Variants in LRRIQ1 observed in about 807,000 individuals in gnomAD.
The protein encoded by LRRIQ1 is leucine-rich repeat- and IQ domain-containing protein 1.
LRRIQ1 carries 210 observed loss-of-function variants against 211.9 expected under a neutral mutation model. That is an observed-to-expected ratio of 0.99 (90% CI 0.89 to 1.11). The LOEUF (loss-of-function observed/expected upper bound fraction) is 1.11, where lower values mean the gene tolerates loss of function less well. LRRIQ1 is among the 50% of genes most tolerant of loss of function. The pLI, the probability that LRRIQ1 is intolerant of heterozygous loss-of-function variation, is 0.00. For synonymous variants in LRRIQ1, 699 were observed against 650.1 expected (o/e 1.08, Z -1.14); for missense variants, 2,136 against 1,939.5 (o/e 1.10, Z -1.90).
chr12:85,070,495 A>G (rs1308122160), intron 10 of LRRIQ1, among the ~76,000 whole-genome samples: 1 of 151,940 alleles, frequency 6.6e-6, no homozygotes, highest in African/African-American at 2.4e-5. Context: ...ACAGGGCTAA[A>G]TGCTTACTAT....
intron 24 of LRRIQ1, among the ~76,000 whole-genome samples, chr12:85,208,546 A>G (rs1262022290): frequency 1.3e-5 from 2 of 152,218 alleles, no homozygotes; most frequent in African/African-American, 2.4e-5. Context: ...TAGTGGATTC[A>G]TCAGATACAG....
intron 7 of LRRIQ1, 46 bp from the exon 8 acceptor site, chr12:85,055,500 CT>C (rs1400125713): frequency 1.5e-6 from 2 of 1,320,684 alleles, no homozygotes; most frequent in African/African-American, 3.0e-5. Context: ...TTAGTAACAT[CT>C]CATGTTTAGT....
chr12:85,245,389 G>T (rs1363030796), downstream of LRRIQ1, among the ~76,000 whole-genome samples: 1 of 150,766 alleles, frequency 6.6e-6, no homozygotes, highest in Non-Finnish European at 1.5e-5. Flanking sequence ...TATTTCCATT[G>T]CATATGTAAG....
intron 19 of LRRIQ1, among the ~76,000 whole-genome samples, chr12:85,152,012 C>T (rs1293855956): frequency 6.6e-6 from 1 of 151,638 alleles, no homozygotes; most frequent in African/African-American, 2.4e-5. Context: ...CAGTTAAATA[C>T]ACTGAAGAGT....
At chr12:85,177,480 C>T (rs1213562070) in intron 24 of LRRIQ1, among the ~76,000 whole-genome samples, 1 of 152,018 alleles carries the variant, frequency 6.6e-6, no homozygotes, top group Non-Finnish European at 1.5e-5. Context: ...AGTAACTAGG[C>T]AAGCGGGGGA....
chr12:85,149,896 A>G (rs1293926513), intron 19 of LRRIQ1, among the ~76,000 whole-genome samples: 1 of 151,800 alleles, frequency 6.6e-6, no homozygotes, highest in Non-Finnish European at 1.5e-5. Flanking sequence ...AGGTATTTTC[A>G]AAGTTTTCTG....
downstream of LRRIQ1, among the ~76,000 whole-genome samples, chr12:85,245,888 TAGAG>T (rs1370810469): frequency 6.6e-6 from 1 of 150,594 alleles, no homozygotes. Flanking sequence ...CATATATATA[TAGAG>T]AGAGAGACTC....
chr12:85,062,013 T>A (rs751769283), intron 8 of LRRIQ1, among the ~76,000 whole-genome samples: 8 of 151,840 alleles, frequency 5.3e-5, no homozygotes, highest in Non-Finnish European at 1.0e-4. Context: ...CTTACATAAA[T>A]ATGTAAATTT....
intron 18 of LRRIQ1, among the ~76,000 whole-genome samples, chr12:85,134,066 T>G (rs911664156): frequency 6.6e-6 from 1 of 152,104 alleles, no homozygotes; most frequent in Non-Finnish European, 1.5e-5. Context: ...GCTTCTGATT[T>G]GATTAGTGCA....
At chr12:85,087,729 G>A (rs1166718868) in intron 11 of LRRIQ1, among the ~76,000 whole-genome samples, 1 of 152,046 alleles carries the variant, frequency 6.6e-6, no homozygotes, top group East Asian at 1.9e-4. Context: ...TCTGTTGGCT[G>A]CATAAATGTC....
chr12:85,075,308 A>G (rs1011714662), intron 11 of LRRIQ1, among the ~76,000 whole-genome samples: 9 of 151,970 alleles, frequency 5.9e-5, no homozygotes, highest in Non-Finnish European at 2.9e-5. Flanking sequence ...AGCTAGGTGT[A>G]TTAGGCCATT....
In LRRIQ1 at chr12:85,052,249, G is replaced by A; in HGVS notation, c.751G>A (p.Glu251Lys). Reference protein sequence around the residue: ...KIWKEKFKQHEEYIRNLHLQM... With the variant: ...KIWKEKFKQHKEYIRNLHLQM... ...TTGGAAAGAGAAATTTAAACAGCAT[G>A]AGGTATCTATTTGTTGTTTTTATTT... Residue 251 changes from glutamate (E) to lysine (K), a missense_variant and splice_region_variant, in exon 7 of 27, where the codon GAG (glutamate) becomes AAG (lysine). Glu to Lys is a moderately conservative substitution (Grantham distance 56). Coordinates refer to ENST00000393217, the MANE Select transcript of LRRIQ1 (RefSeq NM_001079910.2). 1 of 1,463,464 alleles carries A rather than the reference G, an allele frequency of 6.8e-7. No homozygotes were observed. Among genetic ancestry groups the A allele is most frequent in the Non-Finnish European group, 9.4e-7 (1 of 1,060,434 alleles). 90.7% of individuals were successfully genotyped at this position (1,463,464 alleles called of 1,614,324 possible). A position where few individuals can be genotyped will look rare whatever the true frequency, so the allele number is the denominator to read the frequency against.
chr12:85,044,090 T>C (rs1034600995), intron 3 of LRRIQ1, among the ~76,000 whole-genome samples: 2 of 152,034 alleles, frequency 1.3e-5, no homozygotes, highest in African/African-American at 4.8e-5. Flanking sequence ...AGAAAATCTA[T>C]AATATCTGAC....
At chr12:85,230,856 T>C (rs1236477397) in intron 25 of LRRIQ1, among the ~76,000 whole-genome samples, 1 of 151,316 alleles carries the variant, frequency 6.6e-6, no homozygotes, top group Non-Finnish European at 1.5e-5. Context: ...GAAACCATCC[T>C]GGCTAACACA....
rs1177408419 is a variant in LRRIQ1, at chr12:85,056,609, G to C, written c.1816G>C (p.Val606Leu). 1.3e-6 allele frequency: 2 copies of C among 1,594,048 alleles called. No homozygotes were observed. The highest frequency in any genetic ancestry group is 2.7e-5 in the African/African-American group (2 of 73,574). ...ATTATATAAAGATAAGGATACTTTA[G>C]TTATTTCAGTGAAACAAAGATCACT... ...GLLYKDKDTL[V>L]ISVKQRSLSL... The change falls in exon 8 of 27, where the codon GTT becomes CTT. Residue 606 changes from valine to leucine, a missense_variant. Coordinates refer to ENST00000393217, the MANE Select transcript of LRRIQ1 (RefSeq NM_001079910.2).
At chr12:85,037,432 T>A (rs1025333554) in intron 1 of LRRIQ1, among the ~76,000 whole-genome samples, 1 of 152,194 alleles carries the variant, frequency 6.6e-6, no homozygotes, top group Non-Finnish European at 1.5e-5. Flanking sequence ...CACTTTGAGT[T>A]CCATTGCAGG....
At chr12:85,137,548 A>G (rs957372018) in intron 18 of LRRIQ1, among the ~76,000 whole-genome samples, 2 of 151,664 alleles carry the variant, frequency 1.3e-5, no homozygotes, top group Non-Finnish European at 3.0e-5. Flanking sequence ...TTCTTAGTTT[A>G]GAATGGGTCC....
Position 85,228,554 on chromosome 12 carries a change from G to A in LRRIQ1, c.4823-963G>A, listed in dbSNP as rs73365729. On this transcript the variant is annotated intron_variant, in intron 24 of 26. Transcript: ENST00000393217. ...CAGATTTTACGCTTTCCAGAGACCT[G>A]GCTTCAACATCTGTTTAAATTGAAA... Among the ~76,000 whole-genome samples the A allele has an allele frequency of 8.6e-3, 1,303 of 152,214 alleles. 20 individuals are homozygous for A. Among genetic ancestry groups the A allele is most frequent in the African/African-American group, 0.031 (1,271 of 41,514 alleles).
the LRRIQ1 span, among the ~76,000 whole-genome samples, chr12:85,272,169 C>G: frequency 1.3e-5 from 2 of 152,122 alleles, no homozygotes; most frequent in African/African-American, 4.8e-5. Flanking sequence ...ACATATAGAT[C>G]TACTTTATTT....
Sources: gnomAD v4.1 joint callset for allele counts (sites outside exome capture counted in the v4.1 genomes callset) on GRCh38, gnomAD v4.1.1 for gene constraint, MANE v1.5 for transcripts, NCBI Gene and HGNC (gene_info 2026-07-23, HGNC 2026-07-21) for gene names.